RBFOX1: variants seen among roughly 807,000 people sequenced by gnomAD.
RBFOX1 encodes the protein RNA binding protein fox-1 homolog 1.
A neutral mutation model predicts 57.7 loss-of-function variants in RBFOX1; 8 were observed. The ratio of observed to expected loss-of-function variants is 0.14; its 90% CI spans 0.08 to 0.25. The LOEUF is 0.25. Ranked by LOEUF, RBFOX1 falls within the 10% of genes least tolerant of loss-of-function variation. The pLI is 1.00. For synonymous variants in RBFOX1, 326 were observed against 222.4 expected, an observed-to-expected ratio of 1.47 and a Z score of -4.15; for missense variants, 611 against 548.5, an observed-to-expected ratio of 1.11 and a Z score of -1.14.
intron 1 of RBFOX1, among the ~76,000 whole-genome samples, chr16:5,357,722 G>C (rs187282457): frequency 6.6e-6 from 1 of 152,204 alleles, no homozygotes; most frequent in Non-Finnish European, 1.5e-5. Flanking sequence ...CTTGGAATCC[G>C]TCAGGAGAGG....
intron 4 of RBFOX1, among the ~76,000 whole-genome samples, chr16:5,876,252 T>C (rs1015521152): frequency 4.6e-5 from 7 of 152,204 alleles, no homozygotes; most frequent in East Asian, 1.9e-4. Flanking sequence ...GCCAGGCCAC[T>C]CTGCAAGTCA....
chr16:7,567,901 A>G (rs1300518260), intron 5 of RBFOX1, among the ~76,000 whole-genome samples: 1 of 150,800 alleles, frequency 6.6e-6, no homozygotes, highest in East Asian at 1.9e-4. Context: ...CTATGTATAT[A>G]TATATATCCA....
chr16:7,469,780 C>A (rs1403419023), intron 4 of RBFOX1, among the ~76,000 whole-genome samples: 1 of 152,156 alleles, frequency 6.6e-6, no homozygotes, highest in Non-Finnish European at 1.5e-5. Context: ...TACCATTGAT[C>A]TCCAGAACTT....
chr16:6,164,050 A>C (rs1050742254), intron 1 of RBFOX1, among the ~76,000 whole-genome samples: 1 of 152,194 alleles, frequency 6.6e-6, no homozygotes, highest in Non-Finnish European at 1.5e-5. Flanking sequence ...ATTTAACAAA[A>C]ATTGCTGATA....
chr16:7,010,255 A>G (rs2093587943), intron 3 of RBFOX1, among the ~76,000 whole-genome samples: 1 of 152,260 alleles, frequency 6.6e-6, no homozygotes, highest in Admixed American at 6.5e-5. Flanking sequence ...GCTAAATGGC[A>G]AATTCTCCAG....
At chr16:6,870,315 A>G (rs1333072387) in intron 3 of RBFOX1, among the ~76,000 whole-genome samples, 1 of 152,162 alleles carries the variant, frequency 6.6e-6, no homozygotes, top group Non-Finnish European at 1.5e-5. Context: ...GCACTACTGA[A>G]ATTCAGCACT....
chr16:5,257,357 G>C (rs539529685), intron 1 of RBFOX1, among the ~76,000 whole-genome samples: 11 of 152,194 alleles, frequency 7.2e-5, no homozygotes, highest in Non-Finnish European at 1.5e-4. Flanking sequence ...CATGCTATGA[G>C]AACCTGGGCA....
chr16:7,049,465 TAAAA>T (rs140418765), intron 3 of RBFOX1, among the ~76,000 whole-genome samples: 1 of 148,630 alleles, frequency 6.7e-6, no homozygotes, highest in South Asian at 2.1e-4. Flanking sequence ...AGAACAGTAA[TAAAA>T]AAAAAAGAAC....
At chr16:6,754,948 T>A (rs968898289) in intron 3 of RBFOX1, among the ~76,000 whole-genome samples, 27 of 152,050 alleles carry the variant, frequency 1.8e-4, no homozygotes, top group Non-Finnish European at 3.5e-4. Context: ...ACTGAGAATA[T>A]GCGGTGTTTG....
intron 2 of RBFOX1, among the ~76,000 whole-genome samples, chr16:6,472,409 C>T (rs1028763092): frequency 6.6e-6 from 1 of 152,148 alleles, no homozygotes; most frequent in Non-Finnish European, 1.5e-5. Flanking sequence ...TGCCCCCAAG[C>T]ATGTGAGATG....
At position 5,840,791 on chromosome 16, in the gene RBFOX1, C is replaced by A. The variant is rs571242043; in HGVS notation, c.319-26512C>A. On this transcript the variant is annotated intron_variant, in intron 3 of 19. Coordinates refer to the RBFOX1 transcript ENST00000641259. ...CCTGGGGATGCAGTGAGTTCCCTATCATGGAAAACACACAGACAAAACCTA... is the reference window on the plus strand; with the variant it reads ...CCTGGGGATGCAGTGAGTTCCCTATAATGGAAAACACACAGACAAAACCTA... Among the ~76,000 whole-genome samples the A allele has an allele frequency of 2.0e-5, 3 of 152,268 alleles. No homozygotes were observed. In the South Asian group the frequency reaches 6.2e-4, roughly 32 times the overall value.
chr16:5,983,979 T>C (rs1011634131), intron 4 of RBFOX1, among the ~76,000 whole-genome samples: 1 of 133,230 alleles, frequency 7.5e-6, no homozygotes, highest in African/African-American at 2.8e-5. Flanking sequence ...TTCCTCTTCT[T>C]CTTCCTCCCA....
chr16:6,837,976 C>CT (rs2093221943), intron 3 of RBFOX1, among the ~76,000 whole-genome samples: 1 of 151,234 alleles, frequency 6.6e-6, no homozygotes, highest in South Asian at 2.1e-4. Flanking sequence ...GTTACCACCC[C>CT]TTTCCATGGC....
At chr16:5,365,267 T>G (rs1479428035) in intron 1 of RBFOX1, among the ~76,000 whole-genome samples, 2 of 152,116 alleles carry the variant, frequency 1.3e-5, no homozygotes, top group African/African-American at 4.8e-5. Flanking sequence ...GTTGATCAAC[T>G]TGGAGTGTAG....
intron 4 of RBFOX1, among the ~76,000 whole-genome samples, chr16:7,079,139 T>A (rs1202187354): frequency 6.6e-6 from 1 of 152,108 alleles, no homozygotes; most frequent in Non-Finnish European, 1.5e-5. Flanking sequence ...CCATACATTG[T>A]CTGTTGCTGT....
At chr16:5,341,585 C>T (rs1040961276) in intron 1 of RBFOX1, among the ~76,000 whole-genome samples, 27 of 152,244 alleles carry the variant, frequency 1.8e-4, no homozygotes, top group South Asian at 4.2e-4. Flanking sequence ...GGACACACAA[C>T]GTGAGCAGTG....
intron 3 of RBFOX1, among the ~76,000 whole-genome samples, chr16:6,859,183 A>ATACG (rs2058549712): frequency 1.2e-5 from 1 of 82,666 alleles, no homozygotes; most frequent in Admixed American, 1.1e-4. Context: ...ATGTATATAT[A>ATACG]TGTATATATA....
intron 2 of RBFOX1, among the ~76,000 whole-genome samples, chr16:6,614,590 A>G (rs762350130): frequency 6.6e-6 from 1 of 152,144 alleles, no homozygotes; most frequent in Non-Finnish European, 1.5e-5. Flanking sequence ...TGGAGGTTGC[A>G]TGTCTGAAAT....
rs113276199 is a variant in RBFOX1, at chr16:5,458,284, T to G, written c.220-8932T>G. ...GTGCTGCATGTAGTCATTTTCTATGTCATCGATGAATCAATGATTTATTAG... is the reference window on the plus strand; with the variant it reads ...GTGCTGCATGTAGTCATTTTCTATGGCATCGATGAATCAATGATTTATTAG... On this transcript the variant is annotated intron_variant, in intron 1 of 2. Transcript: ENST00000585867. Among the ~76,000 whole-genome samples the G allele has an allele frequency of 1.3e-5, 2 of 152,116 alleles. 1 individual carries two copies. The highest frequency in any genetic ancestry group is 2.9e-5 in the Non-Finnish European group (2 of 68,040).
Sources: allele counts gnomAD v4.1 joint callset (sites outside exome capture counted in the v4.1 genomes callset), GRCh38; gene constraint gnomAD v4.1.1; transcripts MANE v1.5; gene names NCBI Gene and HGNC (gene_info 2026-07-23, HGNC 2026-07-21).